The following DIAPH2 variants were observed in gnomAD, a reference collection of about 807,000 sequenced individuals.
The protein encoded by DIAPH2 is diaphanous related formin 2, also known as protein diaphanous homolog 2.
A neutral mutation model predicts 92.7 loss-of-function variants in DIAPH2; 35 were observed. That is an observed-to-expected ratio of 0.38 (90% CI 0.29 to 0.50). The LOEUF is 0.50. DIAPH2 is among the 20% of genes least tolerant of loss of function. DIAPH2 has a pLI of 0.94. For synonymous variants in DIAPH2, 301 were observed against 280.4 expected (o/e 1.07, Z -0.73); for missense variants, 701 against 819.5 (o/e 0.86, Z 1.77).
At chrX:96,917,989 A>T (rs2065516294) in intron 8 of DIAPH2, among the ~76,000 whole-genome samples, 1 of 111,528 alleles carries the variant, frequency 9.0e-6, no homozygotes, top group Non-Finnish European at 1.9e-5. Context: ...TCACTTAAGT[A>T]TTCTTTTTTT....
chrX:96,902,967 C>T (rs1431292144), intron 5 of DIAPH2, among the ~76,000 whole-genome samples: 7 of 111,143 alleles, frequency 6.3e-5, no homozygotes, highest in Non-Finnish European at 1.3e-4. Flanking sequence ...TGTCTGTGAA[C>T]ATTAAATTTC....
At chrX:97,512,066 A>G (rs2070898795) in intron 26 of DIAPH2, among the ~76,000 whole-genome samples, 2 of 113,436 alleles carry the variant, frequency 1.8e-5, no homozygotes, top group East Asian at 5.4e-4. Flanking sequence ...ATTGATTGGA[A>G]TAGTTTCAGA....
At chrX:97,062,906 C>T (rs1375718320) in intron 17 of DIAPH2, among the ~76,000 whole-genome samples, 6 of 107,044 alleles carry the variant, frequency 5.6e-5, no homozygotes, top group African/African-American at 1.4e-4. Flanking sequence ...TGGTGGCAGG[C>T]GCCTGTAATC....
At chrX:97,151,622 A>G (rs2067286776) in intron 22 of DIAPH2, among the ~76,000 whole-genome samples, 1 of 110,809 alleles carries the variant, frequency 9.0e-6, no homozygotes, top group African/African-American at 3.3e-5. Flanking sequence ...ATACTTGTCA[A>G]TATTATGCTG....
chrX:96,731,557 T>C (rs963672994), intron 1 of DIAPH2, among the ~76,000 whole-genome samples: 1 of 111,429 alleles, frequency 9.0e-6, no homozygotes, highest in African/African-American at 3.3e-5. Flanking sequence ...TATAAGAGAG[T>C]TGAATCTTTA....
At chrX:97,379,258 A>G (rs2069530789) in intron 24 of DIAPH2, among the ~76,000 whole-genome samples, 1 of 111,639 alleles carries the variant, frequency 9.0e-6, no homozygotes, top group African/African-American at 3.3e-5. Flanking sequence ...CCAGTCATAG[A>G]TTATGTCCTC....
At chrX:97,339,926 T>C (rs747768862) in intron 23 of DIAPH2, among the ~76,000 whole-genome samples, 1 of 112,199 alleles carries the variant, frequency 8.9e-6, no homozygotes, top group Non-Finnish European at 1.9e-5. Flanking sequence ...TATTTTAGGT[T>C]ATAAATTACT....
intron 26 of DIAPH2, among the ~76,000 whole-genome samples, chrX:97,568,597 C>T (rs960611441): frequency 1.7e-4 from 19 of 111,171 alleles, no homozygotes; most frequent in African/African-American, 6.2e-4. Context: ...AAGGTGGGGG[C>T]AAAATAGCTG....
chrX:97,421,383 G>C (rs2070006701), intron 25 of DIAPH2, among the ~76,000 whole-genome samples: 1 of 111,293 alleles, frequency 9.0e-6, no homozygotes, highest in African/African-American at 3.3e-5. Flanking sequence ...TTTAATAAAT[G>C]AGCAGTCTTC....
intron 4 of DIAPH2, among the ~76,000 whole-genome samples, chrX:96,855,833 T>TTC (rs1479408997): frequency 9.0e-6 from 1 of 111,372 alleles, no homozygotes; most frequent in Non-Finnish European, 1.9e-5. Context: ...GATTGGATAT[T>TTC]CCGAACTAAC....
chrX:97,594,717 CCTA>C (rs1222799114), intron 26 of DIAPH2, among the ~76,000 whole-genome samples: 1 of 112,161 alleles, frequency 8.9e-6, no homozygotes, highest in African/African-American at 3.2e-5. Context: ...TGTTTTCTAG[CCTA>C]CTAATTGGCA....
At chrX:96,774,718 T>TGTTC (rs1431937135) in intron 4 of DIAPH2, among the ~76,000 whole-genome samples, 6 of 112,248 alleles carry the variant, frequency 5.3e-5, no homozygotes, top group South Asian at 3.7e-4. Flanking sequence ...TCTATCTGTG[T>TGTTC]GTTCACCTTT....
intron 1 of DIAPH2, among the ~76,000 whole-genome samples, chrX:96,724,686 T>C (rs2064010430): frequency 8.9e-6 from 1 of 112,194 alleles, no homozygotes; most frequent in East Asian, 2.8e-4. Flanking sequence ...CCGTGATCTA[T>C]ATATTGATTA....
chrX:97,183,028 G>T (rs1337340349), intron 22 of DIAPH2, among the ~76,000 whole-genome samples: 1 of 111,804 alleles, frequency 8.9e-6, no homozygotes, highest in Non-Finnish European at 1.9e-5. Context: ...ATAGAAATAA[G>T]AGTTATCAGA....
chrX:96,885,884 T>C (rs184881448), intron 5 of DIAPH2, among the ~76,000 whole-genome samples: 98 of 111,839 alleles, frequency 8.8e-4, no homozygotes, highest in African/African-American at 3.0e-3. Context: ...TGCTCTGTTT[T>C]ATGTATAAAA....
intron 4 of DIAPH2, among the ~76,000 whole-genome samples, chrX:96,761,023 AT>A (rs200340773): frequency 0.026 from 2,885 of 111,255 alleles, 86 homozygotes; most frequent in African/African-American, 0.089. Flanking sequence ...AAGAGTCTAT[AT>A]TTTCAAAACA....
rs987274494 is a variant in DIAPH2, at chrX:96,773,644, G to A, written c.447+15386G>A. Among the ~76,000 whole-genome samples, 5 of 111,339 alleles carry A rather than the reference G, an allele frequency of 4.5e-5. No individual in the cohort carries two copies. In the Admixed American group the frequency reaches 4.8e-4, roughly 11 times the overall value. ...GCAGGCGGATCACTTGAGGTCAGGAGTTTGAGACCAGCCTGGGCAGCGTGG... is the reference window on the plus strand; with the variant it reads ...GCAGGCGGATCACTTGAGGTCAGGAATTTGAGACCAGCCTGGGCAGCGTGG... On this transcript the variant is annotated intron_variant, in intron 4 of 26. Transcript: ENST00000324765.
chrX:96,817,754 C>T (rs2064747151), intron 4 of DIAPH2, among the ~76,000 whole-genome samples: 1 of 108,971 alleles, frequency 9.2e-6, no homozygotes, highest in Non-Finnish European at 1.9e-5. Flanking sequence ...AATAGGGGCG[C>T]TAATTCTATT....
At chrX:97,293,741 C>T (rs1245286298) in intron 23 of DIAPH2, among the ~76,000 whole-genome samples, 1 of 111,322 alleles carries the variant, frequency 9.0e-6, no homozygotes, top group Non-Finnish European at 1.9e-5. Context: ...GTAATTTAAG[C>T]ACTTAGACTT....
Sources: allele counts gnomAD v4.1 joint callset (sites outside exome capture counted in the v4.1 genomes callset), GRCh38; gene constraint gnomAD v4.1.1; transcripts MANE v1.5; gene names NCBI Gene and HGNC (gene_info 2026-07-23, HGNC 2026-07-21).